CSMD1: variants seen among roughly 807,000 people sequenced by gnomAD.
CSMD1 encodes the protein CUB and sushi domain-containing protein 1.
CSMD1 carries 213 observed loss-of-function variants against 417.5 expected under a neutral mutation model. The ratio of observed to expected loss-of-function variants is 0.51; its 90% CI spans 0.46 to 0.57. CSMD1 has a LOEUF of 0.57. Among genes scored for constraint, CSMD1 ranks in the 20% least tolerant of loss-of-function variants. The pLI is 0.00. For synonymous variants in CSMD1, 2,862 were observed against 1,736.8 expected, an observed-to-expected ratio of 1.65 and a Z score of -16.11; for missense variants, 6,923 against 4,529.7, an observed-to-expected ratio of 1.53 and a Z score of -15.17.
At chr8:4,206,673 G>A (rs957705133) in intron 3 of CSMD1, among the ~76,000 whole-genome samples, 7 of 152,190 alleles carry the variant, frequency 4.6e-5, no homozygotes, top group African/African-American at 1.4e-4. Flanking sequence ...ACAGCAGCAT[G>A]ATCTAAAATC....
Position 3,034,514 on chromosome 8 carries a change from C to T in CSMD1, c.7661-5001G>A, listed in dbSNP as rs554385467. Among the ~76,000 whole-genome samples, 5 of 152,240 alleles carry T rather than the reference C, an allele frequency of 3.3e-5. No individual in the cohort carries two copies. The East Asian group carries it at 9.7e-4, about 29-fold the overall frequency. On this transcript the variant is annotated intron_variant, in intron 50 of 69. Coordinates refer to ENST00000635120, the MANE Select transcript of CSMD1 (RefSeq NM_033225.6). The stretch of plus-strand genomic sequence containing the variant: ...AGGTACAAATATATATGTATACAAA[C>T]ACACATTACATATATAAACACATAA...
intron 3 of CSMD1, among the ~76,000 whole-genome samples, chr8:4,243,147 G>C (rs771091195): frequency 2.0e-5 from 3 of 152,106 alleles, no homozygotes; most frequent in African/African-American, 7.2e-5. Context: ...TTGGAAAAAG[G>C]AGAGGAGGGA....
At chr8:3,908,573 G>A (rs1170402862) in intron 5 of CSMD1, among the ~76,000 whole-genome samples, 1 of 152,084 alleles carries the variant, frequency 6.6e-6, no homozygotes. Flanking sequence ...GCTCACATTT[G>A]CCTCTCCCTT....
intron 68 of CSMD1, among the ~76,000 whole-genome samples, chr8:2,948,522 T>G (rs186100586): frequency 6.6e-6 from 1 of 152,144 alleles, no homozygotes; most frequent in Non-Finnish European, 1.5e-5. Context: ...TCTTTCCACA[T>G]CAATATATAG....
intron 57 of CSMD1, among the ~76,000 whole-genome samples, chr8:2,971,349 T>A (rs1462581208): frequency 6.6e-6 from 1 of 152,076 alleles, no homozygotes; most frequent in East Asian, 1.9e-4. Flanking sequence ...ACTTATCGGG[T>A]CTCTTAAATC....
chr8:4,555,876 T>G (rs902489850), intron 2 of CSMD1, among the ~76,000 whole-genome samples: 2 of 152,122 alleles, frequency 1.3e-5, no homozygotes, highest in African/African-American at 4.8e-5. Context: ...TGAAAAGACT[T>G]TCTTTAAAAA....
At chr8:3,673,716 G>A (rs896863280) in intron 7 of CSMD1, among the ~76,000 whole-genome samples, 1 of 152,136 alleles carries the variant, frequency 6.6e-6, no homozygotes, top group Non-Finnish European at 1.5e-5. Context: ...CATGATATGA[G>A]CACTGCATTT....
intron 1 of CSMD1, among the ~76,000 whole-genome samples, chr8:4,816,914 C>G (rs181010558): frequency 7.9e-5 from 12 of 152,210 alleles, no homozygotes; most frequent in African/African-American, 2.6e-4. Flanking sequence ...GCATAACAAT[C>G]ACTCCCATCT....
At chr8:3,276,963 A>G (rs906108612) in intron 26 of CSMD1, among the ~76,000 whole-genome samples, 3 of 152,172 alleles carry the variant, frequency 2.0e-5, no homozygotes, top group African/African-American at 7.2e-5. Context: ...ATAGAAGTAT[A>G]AACATTGTGT....
chr8:3,993,146 T>C (rs1814887844), intron 5 of CSMD1, among the ~76,000 whole-genome samples: 1 of 152,350 alleles, frequency 6.6e-6, no homozygotes, highest in Admixed American at 6.5e-5. Flanking sequence ...ATAATTACAC[T>C]ATGGTTATGT....
chr8:3,813,336 G>A (rs1221747529), intron 5 of CSMD1, among the ~76,000 whole-genome samples: 3 of 152,060 alleles, frequency 2.0e-5, no homozygotes, highest in Non-Finnish European at 4.4e-5. Flanking sequence ...CTGTTATACT[G>A]CAAGTAAATT....
At chr8:4,932,198 T>C (rs188574538) in intron 1 of CSMD1, among the ~76,000 whole-genome samples, 1 of 151,430 alleles carries the variant, frequency 6.6e-6, no homozygotes, top group African/African-American at 2.4e-5. Context: ...AACTGTAAAC[T>C]TTGAATTTGC....
intron 3 of CSMD1, among the ~76,000 whole-genome samples, chr8:4,328,030 C>A (rs1454421303): frequency 6.6e-6 from 1 of 152,082 alleles, no homozygotes; most frequent in Admixed American, 6.6e-5. Flanking sequence ...AGGTACTTAG[C>A]GTCAGTTATT....
chr8:3,936,999 C>A (rs970567668), intron 5 of CSMD1, among the ~76,000 whole-genome samples: 1 of 152,090 alleles, frequency 6.6e-6, no homozygotes, highest in Non-Finnish European at 1.5e-5. Context: ...TCGTGAATGA[C>A]TTTGTTGGGT....
chr8:4,425,422 G>A (rs942969235), intron 2 of CSMD1, among the ~76,000 whole-genome samples: 5 of 151,586 alleles, frequency 3.3e-5, no homozygotes, highest in Non-Finnish European at 5.9e-5. Flanking sequence ...AGTTGACAGG[G>A]ATGCGGAAGG....
At chr8:4,094,423 G>C (rs1452635281) in intron 3 of CSMD1, among the ~76,000 whole-genome samples, 2 of 152,184 alleles carry the variant, frequency 1.3e-5, no homozygotes, top group African/African-American at 2.4e-5. Flanking sequence ...GGGCGGTCAG[G>C]TGTGTGGATT....
intron 3 of CSMD1, among the ~76,000 whole-genome samples, chr8:4,330,386 G>A (rs908534338): frequency 1.3e-5 from 2 of 152,048 alleles, no homozygotes; most frequent in African/African-American, 4.8e-5. Flanking sequence ...CTTGAGGTCA[G>A]GAGTTCAGAC....
At chr8:4,929,867 G>A (rs1434888108) in intron 1 of CSMD1, among the ~76,000 whole-genome samples, 1 of 152,120 alleles carries the variant, frequency 6.6e-6, no homozygotes, top group Non-Finnish European at 1.5e-5. Flanking sequence ...TTTTACAAAG[G>A]CACTTGGCAC....
intron 22 of CSMD1, among the ~76,000 whole-genome samples, chr8:3,346,549 A>G (rs1439428318): frequency 1.3e-5 from 2 of 152,240 alleles, no homozygotes; most frequent in Non-Finnish European, 2.9e-5. Context: ...TGAAAGAACA[A>G]CTAGAATAAA....
Sources: allele counts gnomAD v4.1 joint callset (sites outside exome capture counted in the v4.1 genomes callset), GRCh38; gene constraint gnomAD v4.1.1; transcripts MANE v1.5; gene names NCBI Gene and HGNC (gene_info 2026-07-23, HGNC 2026-07-21).